Variants in ACOXL observed in about 807,000 individuals in gnomAD.
The protein encoded by ACOXL is acyl-coenzyme A oxidase-like protein.
Under a neutral mutation model 71.9 loss-of-function variants are expected in ACOXL, and 70 were observed. The observed-to-expected ratio is 0.97, with a 90% CI of 0.80 to 1.19. The LOEUF is 1.19. Among genes scored for constraint, ACOXL ranks in the 50% most tolerant of loss-of-function variants. ACOXL has a pLI of 0.00. For synonymous variants in ACOXL, 253 were observed against 281.6 expected (o/e 0.90, Z 1.02); for missense variants, 703 against 736.3 (o/e 0.95, Z 0.52).
At chr2:110,853,913 G>GTTT (rs35717647) in intron 10 of ACOXL, among the ~76,000 whole-genome samples, 1 of 142,256 alleles carries the variant, frequency 7.0e-6, no homozygotes, top group Non-Finnish European at 1.5e-5. Context: ...TAGGACACTT[G>GTTT]TTTTTTTTTT....
chr2:110,913,259 C>A (rs1192101660), intron 11 of ACOXL, among the ~76,000 whole-genome samples: 1 of 152,102 alleles, frequency 6.6e-6, no homozygotes, highest in Admixed American at 6.6e-5. Flanking sequence ...TAGGTATATA[C>A]CCCACAGAAA....
chr2:110,767,923 AACACACACACACAC>A (rs58524964), intron 1 of ACOXL, among the ~76,000 whole-genome samples: 3,404 of 114,440 alleles, frequency 0.03, 83 homozygotes, highest in Non-Finnish European at 0.038. Context: ...GTCTCTACTA[AACACACACACACAC>A]ACACACACAC....
chr2:110,898,037 T>TC (rs912058086), intron 10 of ACOXL, among the ~76,000 whole-genome samples: 1 of 151,954 alleles, frequency 6.6e-6, no homozygotes, highest in African/African-American at 2.4e-5. Context: ...ATATCACAAC[T>TC]CCCCCAATGT....
At chr2:110,799,497 C>T (rs894538320) in intron 7 of ACOXL, among the ~76,000 whole-genome samples, 1 of 152,162 alleles carries the variant, frequency 6.6e-6, no homozygotes, top group Non-Finnish European at 1.5e-5. Flanking sequence ...TGAGGACTGA[C>T]TCAGTGCCCT....
chr2:110,903,497 G>A (rs772055880), intron 10 of ACOXL, among the ~76,000 whole-genome samples: 7 of 152,196 alleles, frequency 4.6e-5, no homozygotes, highest in Non-Finnish European at 1.0e-4. Flanking sequence ...ATCGCTGTGC[G>A]CACAAGCACC....
At chr2:111,007,748 C>T (rs1410553320) in intron 14 of ACOXL, among the ~76,000 whole-genome samples, 1 of 152,192 alleles carries the variant, frequency 6.6e-6, no homozygotes, top group East Asian at 1.9e-4. Flanking sequence ...TGAGTTGTTG[C>T]TGCTTCTAGG....
At chr2:110,745,005 C>A (rs1678021757) in intron 1 of ACOXL, among the ~76,000 whole-genome samples, 1 of 152,178 alleles carries the variant, frequency 6.6e-6, no homozygotes, top group Admixed American at 6.5e-5. Flanking sequence ...GTTTGCCTTG[C>A]CAGTTCCCTG....
chr2:110,888,339 T>C (rs1018135016), intron 10 of ACOXL, among the ~76,000 whole-genome samples: 2 of 152,220 alleles, frequency 1.3e-5, no homozygotes, highest in Non-Finnish European at 2.9e-5. Flanking sequence ...TCTGCTATAA[T>C]AGAAATTTGG....
At chr2:110,971,277 C>T (rs1330256309) in intron 12 of ACOXL, among the ~76,000 whole-genome samples, 1 of 152,216 alleles carries the variant, frequency 6.6e-6, no homozygotes, top group Non-Finnish European at 1.5e-5. Flanking sequence ...GATATTACTA[C>T]ATTTCTATTA....
At chr2:111,084,268 C>G (rs2068086028) in intron 16 of ACOXL, among the ~76,000 whole-genome samples, 1 of 99,896 alleles carries the variant, frequency 1.0e-5, no homozygotes, top group African/African-American at 3.7e-5. Flanking sequence ...TACACACACA[C>G]ACACACACAC....
intron 12 of ACOXL, among the ~76,000 whole-genome samples, chr2:110,964,274 A>G (rs2061833286): frequency 1.3e-5 from 2 of 152,202 alleles, no homozygotes; most frequent in Non-Finnish European, 2.9e-5. Flanking sequence ...TCACCAGTAC[A>G]TTATTTATTG....
chr2:110,900,980 G>T (rs2149200820), intron 10 of ACOXL, among the ~76,000 whole-genome samples: 1 of 152,314 alleles, frequency 6.6e-6, no homozygotes, highest in Non-Finnish European at 1.5e-5. Context: ...CTCCACGGGG[G>T]TCATCCCTCA....
intron 10 of ACOXL, among the ~76,000 whole-genome samples, chr2:110,859,173 A>G (rs1306508461): frequency 6.6e-6 from 1 of 152,230 alleles, no homozygotes; most frequent in African/African-American, 2.4e-5. Context: ...GCATAACCAT[A>G]TTTGAAAAAT....
chr2:111,063,323 A>G (rs2066906905), intron 16 of ACOXL, among the ~76,000 whole-genome samples: 1 of 152,170 alleles, frequency 6.6e-6, no homozygotes, highest in East Asian at 1.9e-4. Context: ...GACAGAACCA[A>G]AAAGAACTAC....
chr2:111,002,084 G>T (rs1483535), intron 14 of ACOXL, among the ~76,000 whole-genome samples: 136,641 of 152,162 alleles, frequency 0.9, 61,608 homozygotes, highest in African/African-American at 0.97. Flanking sequence ...TGCAAATAAC[G>T]GAAACTTATG....
At chr2:110,991,469 C>G (rs2063171770) in intron 13 of ACOXL, among the ~76,000 whole-genome samples, 1 of 151,948 alleles carries the variant, frequency 6.6e-6, no homozygotes, top group Admixed American at 6.6e-5. Context: ...GCTTGTTATG[C>G]TTTTTTCTTT....
At position 110,801,089 on chromosome 2, in the gene ACOXL, A is replaced by C. The variant is rs377727248; in HGVS notation, c.548-563A>C. On this transcript the variant is annotated intron_variant, in intron 7 of 17. Transcript: ENST00000439055. ...CCAGACTCTGGCAGGTGTCTTTAGGAAATGTGTCTGCCAGATTTCAGGACC... is the reference window on the plus strand; with the variant it reads ...CCAGACTCTGGCAGGTGTCTTTAGGCAATGTGTCTGCCAGATTTCAGGACC... 4.6e-5 allele frequency among the ~76,000 whole-genome samples: 7 copies of C among 152,304 alleles called. No individual in the cohort carries two copies. The South Asian group carries it at 1.5e-3, about 32-fold the overall frequency.
intron 14 of ACOXL, among the ~76,000 whole-genome samples, chr2:111,010,424 AT>A (rs1236945782): frequency 6.6e-6 from 1 of 152,142 alleles, no homozygotes. Context: ...ATAAAGAAAA[AT>A]ATTGATAAAA....
chr2:111,104,572 A>G (rs1574776966), intron 17 of ACOXL, among the ~76,000 whole-genome samples: 1 of 152,250 alleles, frequency 6.6e-6, no homozygotes, highest in East Asian at 1.9e-4. Flanking sequence ...TTTAGTTTGC[A>G]TTTACTTAAT....
Sources: allele counts gnomAD v4.1 joint callset (sites outside exome capture counted in the v4.1 genomes callset), GRCh38; gene constraint gnomAD v4.1.1; transcripts MANE v1.5; gene names NCBI Gene and HGNC (gene_info 2026-07-23, HGNC 2026-07-21).